Variants in FLACC1 observed in about 807,000 individuals in gnomAD.
FLACC1 encodes the protein flagellum associated containing coiled-coil domains 1.
A neutral mutation model predicts 62.8 loss-of-function variants in FLACC1; 66 were observed. The ratio of observed to expected loss-of-function variants is 1.05; its 90% CI spans 0.86 to 1.29. The LOEUF (loss-of-function observed/expected upper bound fraction) is 1.29, where lower values mean the gene tolerates loss of function less well. FLACC1 is among the 50% of genes most tolerant of loss of function. FLACC1 has a pLI of 0.00. For missense variants in FLACC1, 452 were observed against 489.1 expected (o/e 0.92, Z 0.71); for synonymous variants, 156 against 161.0 (o/e 0.97, Z 0.24).
Position 201,308,219 on chromosome 2 carries a change from G to A in FLACC1, c.776-597C>T, listed in dbSNP as rs536389089. Among the ~76,000 whole-genome samples the A allele has an allele frequency of 9.2e-5, 14 of 152,270 alleles. No individual in the cohort carries two copies. The East Asian group carries it at 1.9e-3, about 21-fold the overall frequency. On this transcript the variant is annotated intron_variant, in intron 10 of 14. Transcript: ENST00000392257. ...TGAATTCTGGTCTTCCAAAACTGGC[G>A]GTTACATCTTTACTTAGACTTTAGC...
chr2:201,305,327 G>GA (rs746401807), intron 11 of FLACC1, among the ~76,000 whole-genome samples: 99 of 151,968 alleles, frequency 6.5e-4, no homozygotes, highest in Non-Finnish European at 1.1e-3. Flanking sequence ...ACAGACACAC[G>GA]AAAAAATGTT....
chr2:201,328,169 G>C lies in FLACC1; in HGVS notation c.675+2301C>G, dbSNP rs146658284. ...CTCAGAAGGGGGAGGTGGGAGAGTG[G>C]CTTGTGATAAAAAAAAAACAAAACT... On this transcript the variant is annotated intron_variant, in intron 9 of 14. Transcript: ENST00000392257. 3.1e-3 allele frequency among the ~76,000 whole-genome samples: 468 copies of C among 151,696 alleles called. 1 individual carries two copies. Among genetic ancestry groups the C allele is most frequent in the Non-Finnish European group, 4.7e-3 (318 of 67,924 alleles).
intron 7 of FLACC1, among the ~76,000 whole-genome samples, chr2:201,333,142 A>G (rs1193002807): frequency 2.6e-5 from 4 of 152,204 alleles, no homozygotes; most frequent in Non-Finnish European, 4.4e-5. Context: ...ACAGTTTTCC[A>G]TAATGGCCAT....
intron 9 of FLACC1, among the ~76,000 whole-genome samples, chr2:201,325,287 G>C (rs1280628356): frequency 6.6e-6 from 1 of 151,934 alleles, no homozygotes; most frequent in Non-Finnish European, 1.5e-5. Flanking sequence ...GAAGTCCAAA[G>C]ATAGAAGAAA....
intron 7 of FLACC1, among the ~76,000 whole-genome samples, chr2:201,338,079 C>T (rs886517720): frequency 1.3e-5 from 2 of 152,176 alleles, no homozygotes; most frequent in Non-Finnish European, 2.9e-5. Context: ...TTTATTACAT[C>T]TGTGTTTTGC....
chr2:201,299,850 T>C (rs973779495), intron 11 of FLACC1, among the ~76,000 whole-genome samples: 3 of 152,148 alleles, frequency 2.0e-5, no homozygotes, highest in Non-Finnish European at 4.4e-5. Flanking sequence ...ACACCCCAAA[T>C]ACAGCAAAGA....
At chr2:201,350,148 G>C (rs1008105357) in intron 3 of FLACC1, among the ~76,000 whole-genome samples, 1 of 152,170 alleles carries the variant, frequency 6.6e-6, no homozygotes, top group African/African-American at 2.4e-5. Context: ...CACTTTGAAG[G>C]CTGAGGAGGG....
chr2:201,333,862 C>A (rs938393951), intron 7 of FLACC1, among the ~76,000 whole-genome samples: 4 of 152,130 alleles, frequency 2.6e-5, no homozygotes, highest in African/African-American at 9.7e-5. Context: ...CCACAATAAA[C>A]ATACGTGTGC....
At chr2:201,337,980 T>C (rs1950728281) in intron 7 of FLACC1, among the ~76,000 whole-genome samples, 1 of 152,222 alleles carries the variant, frequency 6.6e-6, no homozygotes, top group South Asian at 2.1e-4. Context: ...AGGGATTGCA[T>C]TGGGCAGCAT....
intron 11 of FLACC1, among the ~76,000 whole-genome samples, chr2:201,299,905 G>C (rs1463285984): frequency 6.6e-6 from 1 of 152,184 alleles, no homozygotes; most frequent in Non-Finnish European, 1.5e-5. Flanking sequence ...AACTACCTGA[G>C]AGACTGGGTA....
chr2:201,302,493 T>C (rs1576420619), intron 11 of FLACC1, among the ~76,000 whole-genome samples: 2 of 152,086 alleles, frequency 1.3e-5, no homozygotes, highest in South Asian at 2.1e-4. Context: ...GAGACTTTAA[T>C]ACCCCACTGT....
intron 12 of FLACC1, among the ~76,000 whole-genome samples, chr2:201,291,869 T>A (rs1949743512): frequency 6.6e-6 from 1 of 152,104 alleles, no homozygotes; most frequent in Middle Eastern, 3.2e-3. Context: ...ACAAGAAGTA[T>A]GTGACAAATG....
chr2:201,328,718 A>AC (rs1950540341), intron 9 of FLACC1, among the ~76,000 whole-genome samples: 2 of 152,222 alleles, frequency 1.3e-5, no homozygotes, highest in African/African-American at 4.8e-5. Context: ...CAGCCACAGC[A>AC]CCGGCCTATG....
upstream of FLACC1, among the ~76,000 whole-genome samples, chr2:201,359,069 C>T (rs921761457): frequency 1.3e-5 from 2 of 152,162 alleles, no homozygotes; most frequent in South Asian, 4.1e-4. Flanking sequence ...CGTCATGGGA[C>T]CTGACGATGG....
intron 3 of FLACC1, among the ~76,000 whole-genome samples, chr2:201,349,906 AAT>A (rs1950991665): frequency 6.6e-6 from 1 of 152,188 alleles, no homozygotes; most frequent in Non-Finnish European, 1.5e-5. Context: ...CAAACAATGC[AAT>A]GACTTTGGAA....
At chr2:201,300,699 C>G (rs1255268635) in intron 11 of FLACC1, among the ~76,000 whole-genome samples, 2 of 151,730 alleles carry the variant, frequency 1.3e-5, no homozygotes, top group South Asian at 2.1e-4. Context: ...ACAACTCATA[C>G]AGCTGGGTGC....
intron 7 of FLACC1, among the ~76,000 whole-genome samples, chr2:201,331,652 G>C (rs1950595891): frequency 6.6e-6 from 1 of 152,150 alleles, no homozygotes; most frequent in African/African-American, 2.4e-5. Flanking sequence ...TTCTGAAAAA[G>C]GTCAAACTAT....
At chr2:201,345,473 T>C (rs893510999) in intron 5 of FLACC1, among the ~76,000 whole-genome samples, 2 of 151,206 alleles carry the variant, frequency 1.3e-5, no homozygotes, top group Non-Finnish European at 2.9e-5. Flanking sequence ...TGTGTGTGTG[T>C]GTGTGTGTGT....
rs530877912 is a variant in FLACC1 at position 201,314,037 on chromosome 2, C to T, written c.676-4787G>A. ...GGGAGAGTACTACATCAAGAGAACA[C>T]GCCATAGGACAAAAGAATCTGAACA... is the stretch of plus-strand genomic sequence containing the variant. On this transcript the variant is annotated intron_variant, in intron 9 of 14. Coordinates refer to ENST00000392257, the MANE Select transcript of FLACC1 (RefSeq NM_001127391.3). 2.4e-4 allele frequency among the ~76,000 whole-genome samples: 36 copies of T among 152,248 alleles called. 1 individual carries two copies. Among genetic ancestry groups the T allele is most frequent in the African/African-American group, 7.5e-4 (31 of 41,522 alleles).
Sources: allele counts gnomAD v4.1 joint callset (sites outside exome capture counted in the v4.1 genomes callset), GRCh38; gene constraint gnomAD v4.1.1; transcripts MANE v1.5; gene names NCBI Gene and HGNC (gene_info 2026-07-23, HGNC 2026-07-21).